LRIG1: variants seen among roughly 807,000 people sequenced by gnomAD.
The protein encoded by LRIG1 is leucine-rich repeats and immunoglobulin-like domains protein 1.
Under a neutral mutation model 99.2 loss-of-function variants are expected in LRIG1, and 48 were observed. The ratio of observed to expected loss-of-function variants is 0.48; its 90% CI spans 0.38 to 0.62. LRIG1 has a LOEUF of 0.62. LRIG1 is among the 20% of genes least tolerant of loss of function. The pLI, the probability that LRIG1 is intolerant of heterozygous loss-of-function variation, is 0.00. For missense variants in LRIG1, 1,646 were observed against 1,434.4 expected, an observed-to-expected ratio of 1.15 and a Z score of -2.38; for synonymous variants, 772 against 596.1, an observed-to-expected ratio of 1.29 and a Z score of -4.30.
At chr3:66,483,632 C>T (rs1430194057) in intron 1 of LRIG1, among the ~76,000 whole-genome samples, 5 of 152,234 alleles carry the variant, frequency 3.3e-5, no homozygotes, top group African/African-American at 1.2e-4. Flanking sequence ...CTGGCGAGGG[C>T]TCAGCATAAA....
chr3:66,440,118 T>G (rs1442440225), intron 3 of LRIG1, among the ~76,000 whole-genome samples: 1 of 152,146 alleles, frequency 6.6e-6, no homozygotes, highest in African/African-American at 2.4e-5. Context: ...TGCCTTTCAG[T>G]TGCAATTATC....
chr3:66,453,606 AC>A (rs1364842444), intron 2 of LRIG1, among the ~76,000 whole-genome samples: 1 of 152,182 alleles, frequency 6.6e-6, no homozygotes, highest in Non-Finnish European at 1.5e-5. Context: ...GTTAACTACT[AC>A]CATTCTCTAC....
chr3:66,424,490 C>T (rs1702916730), intron 3 of LRIG1, among the ~76,000 whole-genome samples: 1 of 152,232 alleles, frequency 6.6e-6, no homozygotes, highest in Non-Finnish European at 1.5e-5. Flanking sequence ...CTTCAGGAAA[C>T]TATCCATGTT....
intron 9 of LRIG1, 143 bp from the exon 10 acceptor site, chr3:66,399,184 C>T (rs1278779453): frequency 3.0e-6 from 2 of 671,698 alleles, no homozygotes; most frequent in Non-Finnish European, 5.3e-6. Flanking sequence ...AGGTGGAAAG[C>T]TGACCTGCGC....
intron 18 of LRIG1, 24 bp from the exon 19 acceptor site, chr3:66,380,513 C>A (rs759743537): frequency 1.9e-6 from 3 of 1,614,032 alleles, no homozygotes; most frequent in African/African-American, 2.7e-5. Flanking sequence ...ACGAACCTGT[C>A]AGACCCCCAC....
intron 2 of LRIG1, among the ~76,000 whole-genome samples, chr3:66,460,741 AAC>A (rs1313045579): frequency 6.6e-6 from 1 of 152,330 alleles, no homozygotes; most frequent in African/African-American, 2.4e-5. Context: ...TTAGCAAACT[AAC>A]ACAGTGACCC....
chr3:66,418,851 C>T (rs1702707738), intron 3 of LRIG1, among the ~76,000 whole-genome samples: 1 of 152,012 alleles, frequency 6.6e-6, no homozygotes, highest in African/African-American at 2.4e-5. Context: ...CTCGAAAGTC[C>T]ATTTCCAAGG....
chr3:66,398,031 G>A (rs191786916), intron 11 of LRIG1, 81 bp downstream of exon 11: 43 of 1,132,668 alleles, frequency 3.8e-5, no homozygotes, highest in East Asian at 4.7e-5. Flanking sequence ...TTTAACAAGT[G>A]AGCATAATGC....
chr3:66,410,628 G>A (rs983429714), intron 6 of LRIG1, among the ~76,000 whole-genome samples: 5 of 152,174 alleles, frequency 3.3e-5, no homozygotes, highest in African/African-American at 7.2e-5. Context: ...GCTTGAGCTC[G>A]GGAGTTCGAG....
At chr3:66,407,555 G>A (rs768156041) in intron 7 of LRIG1, 64 bp from the exon 8 acceptor site, 19 of 1,584,266 alleles carry the variant, frequency 1.2e-5, no homozygotes, top group East Asian at 9.0e-5. Context: ...CCACCCCACC[G>A]GAAATTGGGC....
At chr3:66,444,716 T>C (rs1463209431) in intron 3 of LRIG1, among the ~76,000 whole-genome samples, 3 of 152,168 alleles carry the variant, frequency 2.0e-5, no homozygotes, top group Non-Finnish European at 4.4e-5. Flanking sequence ...ACAGGTGGTC[T>C]ACCAGTGAGC....
intron 11 of LRIG1, 75 bp from the exon 12 acceptor site, chr3:66,394,278 C>T (rs1701755151): frequency 1.6e-6 from 2 of 1,263,812 alleles, no homozygotes; most frequent in Non-Finnish European, 1.1e-6. Flanking sequence ...ACACAATGAT[C>T]AGTCGCCTCC....
intron 6 of LRIG1, among the ~76,000 whole-genome samples, chr3:66,412,388 T>C (rs561181031): frequency 6.6e-6 from 1 of 152,304 alleles, no homozygotes; most frequent in South Asian, 2.1e-4. Flanking sequence ...GGGCAGTGGA[T>C]GCAAGCTGTG....
intron 3 of LRIG1, among the ~76,000 whole-genome samples, chr3:66,420,525 C>T (rs749297545): frequency 6.6e-6 from 1 of 152,216 alleles, no homozygotes; most frequent in East Asian, 1.9e-4. Flanking sequence ...TTCATAGAAG[C>T]ATCACTCACC....
chr3:66,410,659 G>C (rs921777872), intron 6 of LRIG1, among the ~76,000 whole-genome samples: 7 of 152,130 alleles, frequency 4.6e-5, no homozygotes, highest in African/African-American at 1.7e-4. Flanking sequence ...GCAATATAGC[G>C]AAACCCCATC....
chr3:66,389,872 A>G (rs779217143), intron 12 of LRIG1, among the ~76,000 whole-genome samples: 21 of 152,184 alleles, frequency 1.4e-4, no homozygotes, highest in Non-Finnish European at 2.4e-4. Context: ...ATCAAGTTTG[A>G]AACTCTCCTG....
At chr3:66,495,398 G>T (rs1701203452) in intron 1 of LRIG1, among the ~76,000 whole-genome samples, 2 of 152,244 alleles carry the variant, frequency 1.3e-5, no homozygotes, top group South Asian at 2.1e-4. Context: ...AGACCCCCAG[G>T]GTTTCAAATT....
intron 3 of LRIG1, among the ~76,000 whole-genome samples, chr3:66,450,662 C>T (rs1703875563): frequency 6.6e-6 from 1 of 152,190 alleles, no homozygotes. Context: ...TTTCTCTGCT[C>T]AGCCTGCCGA....
At chr3:66,404,893 C>T (rs1296396226) in intron 9 of LRIG1, among the ~76,000 whole-genome samples, 3 of 152,178 alleles carry the variant, frequency 2.0e-5, no homozygotes, top group Non-Finnish European at 4.4e-5. Context: ...GTACAAAGGG[C>T]AACAGCAAAT....
Sources: allele counts gnomAD v4.1 joint callset (sites outside exome capture counted in the v4.1 genomes callset), GRCh38; gene constraint gnomAD v4.1.1; transcripts MANE v1.5; gene names NCBI Gene and HGNC (gene_info 2026-07-23, HGNC 2026-07-21).